Variants in MBLAC2 observed in about 807,000 individuals in gnomAD.
The protein encoded by MBLAC2 is acyl-coenzyme A thioesterase MBLAC2.
Under a neutral mutation model 23.3 loss-of-function variants are expected in MBLAC2, and 24 were observed. The observed-to-expected ratio is 1.03, with a 90% CI of 0.75 to 1.45. The LOEUF (loss-of-function observed/expected upper bound fraction) is 1.45. Among genes scored for constraint, MBLAC2 ranks in the 40% most tolerant of loss-of-function variants. The pLI, the probability that MBLAC2 is intolerant of heterozygous loss-of-function variation, is 0.00. For missense variants in MBLAC2, 358 were observed against 370.0 expected (o/e 0.97, Z 0.27); for synonymous variants, 162 against 150.9 (o/e 1.07, Z -0.54).
Position 90,474,493 on chromosome 5 carries a change from C to T in MBLAC2, c.-201G>A, listed in dbSNP as rs1341459695. 3 of 574,066 alleles carry T rather than the reference C, an allele frequency of 5.2e-6. No individual in the cohort carries two copies. The highest frequency in any genetic ancestry group is 3.8e-5 in the African/African-American group (2 of 52,268). The allele number at this position is 574,066 out of a possible 1,614,324, so 35.6% of individuals were successfully genotyped here. Reference sequence around the variant, plus strand: ...ACCGACGCTGCCCGTAGCGTGCGCTCCCGCACCCTTCCGCCAGGTCGGCAG... The same window carrying T: ...ACCGACGCTGCCCGTAGCGTGCGCTTCCGCACCCTTCCGCCAGGTCGGCAG... On this transcript the variant is annotated 5_prime_UTR_variant, in exon 1 of 2. Transcript: ENST00000316610.
chr5:90,471,504 GAAT>G (rs1750548708), intron 1 of MBLAC2, among the ~76,000 whole-genome samples: 1 of 152,112 alleles, frequency 6.6e-6, no homozygotes, highest in Non-Finnish European at 1.5e-5. Context: ...TTTTTATCCA[GAAT>G]AATGCACTGG....
intron 1 of MBLAC2, chr5:90,472,697 C>T (rs952072736): frequency 6.6e-6 from 1 of 152,054 alleles, no homozygotes; most frequent in Admixed American, 6.6e-5. Flanking sequence ...TTTTAATATA[C>T]CACATTGGTA....
Position 90,474,244 on chromosome 5 carries a change from A to C in MBLAC2, c.49T>G (p.Phe17Val), listed in dbSNP as rs1750650392. The C allele has an allele frequency of 6.2e-7, 1 of 1,613,516 alleles. No individual in the cohort carries two copies. Among genetic ancestry groups the C allele is most frequent in the Non-Finnish European group, 8.5e-7 (1 of 1,179,856 alleles). Reference protein sequence around the residue: ...YAHKSLGDGIFWIQERFYESG... With the variant: ...YAHKSLGDGIVWIQERFYESG... The stretch of plus-strand genomic sequence containing the variant: ...TCGTAGAAACGTTCTTGAATCCAGA[A>C]GATACCATCGCCTAGAGACTTGTGG... Residue 17 changes from phenylalanine (F) to valine (V), a missense_variant, in exon 1 of 2, where the codon TTC becomes GTC. Phe to Val is a conservative substitution (Grantham distance 50). Transcript: ENST00000316610.
Position 90,460,822 on chromosome 5 carries a change from T to C in MBLAC2, c.*345A>G, listed in dbSNP as rs1340673222. The C allele has an allele frequency of 2.2e-5, 4 of 181,180 alleles. No homozygotes were observed. The highest frequency in any genetic ancestry group is 2.9e-4 in the East Asian group (2 of 6,914). The allele number at this position is 181,180 out of a possible 1,614,324, so 11.2% of individuals were successfully genotyped here. ...ACATAATACTCTACATGCCTTTTTT[T>C]CCCTAGGTCATCAAGGGAATAAAAC... On this transcript the variant is annotated 3_prime_UTR_variant, in exon 2 of 2. Transcript: ENST00000316610.
Position 90,460,445 on chromosome 5 carries a change from T to A in MBLAC2, c.*722A>T, listed in dbSNP as rs994379063. On this transcript the variant is annotated 3_prime_UTR_variant, in exon 2 of 2. Coordinates refer to ENST00000316610, the MANE Select transcript of MBLAC2 (RefSeq NM_203406.2). ...AGAAATCTGACAATTTGTAGTTAGA[T>A]AACAGACATTTGCATTTCACTTTCA... The A allele has an allele frequency of 6.6e-6, 1 of 152,556 alleles. No individual in the cohort carries two copies. The highest frequency in any genetic ancestry group is 1.5e-5 in the Non-Finnish European group (1 of 67,976). The allele number at this position is 152,556 out of a possible 1,614,324, so 9.5% of individuals were successfully genotyped here.
At chr5:90,466,321 A>G (rs1224275111) in intron 1 of MBLAC2, among the ~76,000 whole-genome samples, 1 of 152,234 alleles carries the variant, frequency 6.6e-6, no homozygotes, top group Non-Finnish European at 1.5e-5. Flanking sequence ...AGACAAACAA[A>G]TAAGAATCGA....
intron 1 of MBLAC2, among the ~76,000 whole-genome samples, chr5:90,467,901 G>C (rs1750477033): frequency 6.6e-6 from 1 of 152,094 alleles, no homozygotes; most frequent in Admixed American, 6.5e-5. Context: ...GTGATGGCTT[G>C]GTAGCAGTGA....
chr5:90,461,289 G>A lies in MBLAC2; in HGVS notation c.718C>T (p.Leu240Phe), dbSNP rs1245081270. The A allele has an allele frequency of 6.2e-7, 1 of 1,614,000 alleles. No homozygotes were observed. Among genetic ancestry groups the A allele is most frequent in the Non-Finnish European group, 8.5e-7 (1 of 1,180,028 alleles). The change falls in exon 2 of 2, where the codon CTT (leucine) becomes TTT (phenylalanine). Residue 240 changes from leucine (L) to phenylalanine (F), a missense_variant. By Grantham distance (22) the Leu-to-Phe change is conservative. Coordinates refer to ENST00000316610, the MANE Select transcript of MBLAC2 (RefSeq NM_203406.2). ...GHFNTFGAERLFRLASNYISK... is the reference protein window; with the variant it reads ...GHFNTFGAERFFRLASNYISK... ...ATATAGTTAGAAGCCAATCGAAAAAGCCTTTCAGCACCAAAGGTATTGAAG... is the reference window on the plus strand; with the variant it reads ...ATATAGTTAGAAGCCAATCGAAAAAACCTTTCAGCACCAAAGGTATTGAAG...
chr5:90,467,281 T>C (rs1750464440), intron 1 of MBLAC2, among the ~76,000 whole-genome samples: 2 of 152,198 alleles, frequency 1.3e-5, no homozygotes, highest in Admixed American at 6.5e-5. Context: ...ACAAGTGGAG[T>C]ATTAAAGTCC....
chr5:90,465,690 T>C (rs1481498074), intron 1 of MBLAC2, among the ~76,000 whole-genome samples: 3 of 152,126 alleles, frequency 2.0e-5, no homozygotes, highest in African/African-American at 7.2e-5. Flanking sequence ...AAGGGATCCT[T>C]CCAAGTAGCT....
In MBLAC2 at chr5:90,460,815, C is replaced by CT. The variant is rs1484960804; in HGVS notation, c.*351dup. 5.7e-6 allele frequency: 1 copy of CT among 176,570 alleles called. No individual in the cohort carries two copies. The highest frequency in any genetic ancestry group is 5.6e-5 in the Admixed American group (1 of 18,014). 10.9% of individuals were successfully genotyped at this position (176,570 alleles called of 1,614,324 possible). A position where few individuals can be genotyped will look rare whatever the true frequency, so the allele number is the denominator to read the frequency against. The stretch of plus-strand genomic sequence containing the variant: ...AGTATAAACATAATACTCTACATGC[C>CT]TTTTTTTCCCTAGGTCATCAAGGGA... On this transcript the variant is annotated 3_prime_UTR_variant, in exon 2 of 2. Transcript: ENST00000316610.
rs1750344504 is a variant in MBLAC2 at position 90,460,218 on chromosome 5, T to C, written c.*949A>G. The C allele has an allele frequency of 6.6e-6, 1 of 152,580 alleles. No individual in the cohort carries two copies. The highest frequency in any genetic ancestry group is 2.1e-4 in the South Asian group (1 of 4,832). The allele number at this position is 152,580 out of a possible 1,614,324, so 9.5% of individuals were successfully genotyped here. A position where few individuals can be genotyped will look rare whatever the true frequency, so the allele number is the denominator to read the frequency against. Reference sequence around the variant, plus strand: ...TGCAATTAATTTAAAAATCCCTCTGTAGTACATATGCATGTTAAGTAAAAG... The same window carrying C: ...TGCAATTAATTTAAAAATCCCTCTGCAGTACATATGCATGTTAAGTAAAAG... On this transcript the variant is annotated 3_prime_UTR_variant, in exon 2 of 2. Transcript: ENST00000316610.
Position 90,459,289 on chromosome 5 carries a change from G to A in MBLAC2, c.*1878C>T, listed in dbSNP as rs1470612812. 6.6e-6 allele frequency: 1 copy of A among 152,348 alleles called. No individual in the cohort carries two copies. The highest frequency in any genetic ancestry group is 1.5e-5 in the Non-Finnish European group (1 of 67,944). 9.4% of individuals were successfully genotyped at this position (152,348 alleles called of 1,614,324 possible). A position where few individuals can be genotyped will look rare whatever the true frequency, so the allele number is the denominator to read the frequency against. ...ACCAATCATACCCTCCTTTTTGATTGAAGTAAAGGTTCATTTGGTGGCATG... is the reference window on the plus strand; with the variant it reads ...ACCAATCATACCCTCCTTTTTGATTAAAGTAAAGGTTCATTTGGTGGCATG... On this transcript the variant is annotated 3_prime_UTR_variant, in exon 2 of 2. Coordinates refer to ENST00000316610, the MANE Select transcript of MBLAC2 (RefSeq NM_203406.2).
chr5:90,470,070 G>A (rs1750519716), intron 1 of MBLAC2, among the ~76,000 whole-genome samples: 1 of 152,116 alleles, frequency 6.6e-6, no homozygotes. Flanking sequence ...ATGAAATCCT[G>A]TCATTTGCAG....
intron 1 of MBLAC2, among the ~76,000 whole-genome samples, chr5:90,471,580 T>G (rs1275658642): frequency 2.0e-5 from 3 of 152,182 alleles, no homozygotes; most frequent in Non-Finnish European, 2.9e-5. Flanking sequence ...AGAGATACAG[T>G]GCACAGATTT....
rs374122681 is a variant in MBLAC2, at chr5:90,459,148, T to G, written c.*2019A>C. 2.6e-5 allele frequency: 4 copies of G among 152,684 alleles called. 1 individual carries two copies. Among genetic ancestry groups the G allele is most frequent in the African/African-American group, 4.8e-5 (2 of 41,570 alleles). 9.5% of individuals were successfully genotyped at this position (152,684 alleles called of 1,614,324 possible). A position where few individuals can be genotyped will look rare whatever the true frequency, so the allele number is the denominator to read the frequency against. On this transcript the variant is annotated 3_prime_UTR_variant, in exon 2 of 2. Coordinates refer to ENST00000316610, the MANE Select transcript of MBLAC2 (RefSeq NM_203406.2). ...TATTTAAGGCTTAGTAAGTGATTAT[T>G]TGTAGTTGCCCTGAACCAAATCATT...
intron 1 of MBLAC2, 200 bp downstream of exon 1, chr5:90,473,639 G>A: frequency 1.4e-6 from 1 of 697,472 alleles, no homozygotes; most frequent in Non-Finnish European, 2.6e-6. Flanking sequence ...GCCAGAGCTG[G>A]TCTCTGGCAG....
intron 1 of MBLAC2, among the ~76,000 whole-genome samples, chr5:90,469,707 AT>A (rs1750512990): frequency 6.6e-6 from 1 of 152,178 alleles, no homozygotes; most frequent in Non-Finnish European, 1.5e-5. Flanking sequence ...AAAAATGGCT[AT>A]TGTCAAAAAG....
intron 1 of MBLAC2, among the ~76,000 whole-genome samples, chr5:90,468,743 T>A (rs984740491): frequency 6.6e-6 from 1 of 152,070 alleles, no homozygotes; most frequent in African/African-American, 2.4e-5. Flanking sequence ...CAGACCACAG[T>A]GGAATAAAAT....
Sources: gnomAD v4.1 joint callset for allele counts (sites outside exome capture counted in the v4.1 genomes callset) on GRCh38, gnomAD v4.1.1 for gene constraint, MANE v1.5 for transcripts, NCBI Gene and HGNC (gene_info 2026-07-23, HGNC 2026-07-21) for gene names.